The following EPHA6 variants were observed in gnomAD, a reference collection of about 807,000 sequenced individuals.
EPHA6 encodes the protein EPH receptor A6, also known as ephrin type-A receptor 6.
Under a neutral mutation model 112.0 loss-of-function variants are expected in EPHA6, and 50 were observed. The observed-to-expected ratio is 0.45, with a 90% CI of 0.36 to 0.56. The LOEUF (loss-of-function observed/expected upper bound fraction) is 0.56. Ranked by LOEUF, EPHA6 falls within the 20% of genes least tolerant of loss-of-function variation. The pLI is 0.00. For missense variants in EPHA6, 1,280 were observed against 1,417.4 expected (o/e 0.90, Z 1.56); for synonymous variants, 529 against 490.7 (o/e 1.08, Z -1.03).
At chr3:97,347,355 A>G (rs1389058701) in intron 5 of EPHA6, among the ~76,000 whole-genome samples, 1 of 152,166 alleles carries the variant, frequency 6.6e-6, no homozygotes, top group East Asian at 1.9e-4. Context: ...TTTCTTAGAT[A>G]TAAAATACAC....
At chr3:97,649,780 A>G (rs1488648529) in intron 14 of EPHA6, among the ~76,000 whole-genome samples, 1 of 151,964 alleles carries the variant, frequency 6.6e-6, no homozygotes, top group Non-Finnish European at 1.5e-5. Context: ...ACACACACAC[A>G]CACACACACA....
At chr3:97,569,683 A>G (rs2093311962) in intron 11 of EPHA6, among the ~76,000 whole-genome samples, 1 of 152,262 alleles carries the variant, frequency 6.6e-6, no homozygotes, top group African/African-American at 2.4e-5. Flanking sequence ...ACAAAAGATT[A>G]GAGGCAAAAC....
At chr3:97,106,810 G>A (rs991053960) in intron 3 of EPHA6, among the ~76,000 whole-genome samples, 1 of 152,126 alleles carries the variant, frequency 6.6e-6, no homozygotes, top group African/African-American at 2.4e-5. Context: ...CTCCCTAGGG[G>A]TTTTGAGCAG....
chr3:97,504,732 G>A (rs952731936), intron 10 of EPHA6, among the ~76,000 whole-genome samples: 1 of 152,092 alleles, frequency 6.6e-6, no homozygotes, highest in African/African-American at 2.4e-5. Context: ...TCATTTTGGT[G>A]TATATCCTTC....
chr3:97,117,981 A>G (rs2047940243), intron 3 of EPHA6, among the ~76,000 whole-genome samples: 1 of 151,850 alleles, frequency 6.6e-6, no homozygotes, highest in African/African-American at 2.4e-5. Context: ...TGCAATGAAT[A>G]TCTCTTTAAA....
chr3:97,560,921 G>C (rs556015926), intron 11 of EPHA6, among the ~76,000 whole-genome samples: 2 of 151,922 alleles, frequency 1.3e-5, no homozygotes, highest in South Asian at 4.2e-4. Flanking sequence ...GGTAATTCTG[G>C]CAATATTTAA....
intron 1 of EPHA6, among the ~76,000 whole-genome samples, chr3:96,822,707 A>G (rs2033357491): frequency 6.7e-6 from 1 of 150,110 alleles, no homozygotes; most frequent in African/African-American, 2.4e-5. Flanking sequence ...GTATATTTTA[A>G]ATAATTTTAT....
chr3:97,155,684 G>A (rs542451372), intron 3 of EPHA6, among the ~76,000 whole-genome samples: 1 of 152,268 alleles, frequency 6.6e-6, no homozygotes, highest in African/African-American at 2.4e-5. Flanking sequence ...GTTGTTGGTA[G>A]AATTACTTCC....
At chr3:97,641,634 C>T (rs139727384) in intron 14 of EPHA6, among the ~76,000 whole-genome samples, 3 of 152,216 alleles carry the variant, frequency 2.0e-5, no homozygotes, top group Non-Finnish European at 4.4e-5. Flanking sequence ...CCTTGGGAAG[C>T]GCAAGGGGTC....
intron 3 of EPHA6, among the ~76,000 whole-genome samples, chr3:97,187,570 G>A (rs1466309295): frequency 1.2e-4 from 15 of 128,468 alleles, no homozygotes; most frequent in Non-Finnish European, 1.9e-4. Flanking sequence ...GCGAGACTTC[G>A]TCTCAAAACG....
chr3:97,067,328 A>G (rs1194435853), intron 3 of EPHA6, among the ~76,000 whole-genome samples: 1 of 152,156 alleles, frequency 6.6e-6, no homozygotes, highest in Admixed American at 6.6e-5. Flanking sequence ...TGAGTAAAAG[A>G]CAATCTGTGT....
chr3:97,186,870 A>G (rs764382608), intron 3 of EPHA6, among the ~76,000 whole-genome samples: 16 of 152,228 alleles, frequency 1.1e-4, no homozygotes, highest in Middle Eastern at 6.8e-3. Context: ...TGTAACTACA[A>G]GCTGATTTGC....
At chr3:97,118,109 GA>G (rs2047944367) in intron 3 of EPHA6, among the ~76,000 whole-genome samples, 2 of 151,728 alleles carry the variant, frequency 1.3e-5, no homozygotes, top group Non-Finnish European at 2.9e-5. Flanking sequence ...ATCATTAAAT[GA>G]TTATATTTCA....
chr3:97,698,302 A>T (rs2033166524), intron 14 of EPHA6, among the ~76,000 whole-genome samples: 1 of 152,168 alleles, frequency 6.6e-6, no homozygotes, highest in Non-Finnish European at 1.5e-5. Context: ...ACCGGCAGCC[A>T]ATATATGTTT....
intron 11 of EPHA6, among the ~76,000 whole-genome samples, chr3:97,540,798 T>A (rs2092838192): frequency 6.6e-6 from 1 of 152,200 alleles, no homozygotes; most frequent in East Asian, 1.9e-4. Flanking sequence ...TAAAATTGAA[T>A]AAAGCCATCT....
intron 3 of EPHA6, among the ~76,000 whole-genome samples, chr3:97,019,725 GATTTA>G (rs1377955304): frequency 6.6e-6 from 1 of 151,956 alleles, no homozygotes; most frequent in African/African-American, 2.4e-5. Context: ...TGATAGAACA[GATTTA>G]ATTTATCAGA....
intron 13 of EPHA6, among the ~76,000 whole-genome samples, chr3:97,632,130 G>A (rs770609126): frequency 7.2e-5 from 11 of 151,928 alleles, no homozygotes; most frequent in South Asian, 2.1e-4. Flanking sequence ...TTGTTCATTC[G>A]TGATCTTTGC....
intron 1 of EPHA6, among the ~76,000 whole-genome samples, chr3:96,842,206 A>G (rs28660309): frequency 0.018 from 2,761 of 152,198 alleles, 74 homozygotes; most frequent in African/African-American, 0.05. Flanking sequence ...TCTTAGTCAA[A>G]TCATGACAGA....
intron 13 of EPHA6, among the ~76,000 whole-genome samples, chr3:97,623,050 C>T (rs1031808673): frequency 6.6e-5 from 10 of 151,560 alleles, no homozygotes; most frequent in East Asian, 3.9e-4. Flanking sequence ...CCATTCTGTG[C>T]GTTGCCTTTC....
Sources: allele counts gnomAD v4.1 joint callset (sites outside exome capture counted in the v4.1 genomes callset), GRCh38; gene constraint gnomAD v4.1.1; transcripts MANE v1.5; gene names NCBI Gene and HGNC (gene_info 2026-07-23, HGNC 2026-07-21).